The following CUBN variants were observed in gnomAD, a reference collection of about 807,000 sequenced individuals.
CUBN encodes 460 kDa receptor.
In CUBN, 282 loss-of-function variants were observed where a neutral mutation model predicts 405.3. The observed-to-expected ratio is 0.70, with a 90% CI of 0.63 to 0.77. The LOEUF (loss-of-function observed/expected upper bound fraction) is 0.77, where lower values mean the gene tolerates loss of function less well. Ranked by LOEUF, CUBN falls within the 30% of genes least tolerant of loss-of-function variation. The pLI, the probability that CUBN is intolerant of heterozygous loss-of-function variation, is 0.00. For missense variants in CUBN, 4,514 were observed against 4,475.2 expected (o/e 1.01, Z -0.25); for synonymous variants, 1,684 against 1,617.0 (o/e 1.04, Z -0.99).
intron 50 of CUBN, among the ~76,000 whole-genome samples, chr10:16,904,703 C>T (rs906050931): frequency 1.3e-5 from 2 of 152,098 alleles, no homozygotes; most frequent in Admixed American, 1.3e-4. Flanking sequence ...GTCAGATAAA[C>T]ATCACTGGTC....
chr10:16,959,514 G>A (rs1254100972), intron 31 of CUBN, among the ~76,000 whole-genome samples: 1 of 151,924 alleles, frequency 6.6e-6, no homozygotes, highest in Non-Finnish European at 1.5e-5. Flanking sequence ...TGTAATCCCA[G>A]CTACTCAGGA....
At chr10:16,920,580 G>A (rs969829962) in intron 43 of CUBN, among the ~76,000 whole-genome samples, 1 of 152,060 alleles carries the variant, frequency 6.6e-6, no homozygotes, top group Admixed American at 6.6e-5. Flanking sequence ...TGCACAACTC[G>A]GGGAGCATTC....
At chr10:16,837,687 G>A (rs879707090) in intron 62 of CUBN, among the ~76,000 whole-genome samples, 1 of 151,970 alleles carries the variant, frequency 6.6e-6, no homozygotes, top group Non-Finnish European at 1.5e-5. Context: ...ATTCCTTCAT[G>A]ATCTGCCAAT....
intron 22 of CUBN, among the ~76,000 whole-genome samples, chr10:17,051,273 A>T (rs899670362): frequency 2.2e-4 from 34 of 152,146 alleles, no homozygotes; most frequent in Admixed American, 3.9e-4. Context: ...AGGCAGGAGG[A>T]TCGCTTGAAC....
At chr10:17,000,886 A>C (rs1351492848) in intron 28 of CUBN, among the ~76,000 whole-genome samples, 2 of 152,210 alleles carry the variant, frequency 1.3e-5, no homozygotes, top group African/African-American at 4.8e-5. Flanking sequence ...TGTGTTCGGA[A>C]TTGGTTTCTT....
intron 60 of CUBN, among the ~76,000 whole-genome samples, chr10:16,843,374 C>A (rs1839415087): frequency 6.6e-6 from 1 of 152,142 alleles, no homozygotes; most frequent in African/African-American, 2.4e-5. Flanking sequence ...ATGACCATGA[C>A]CACTGACATT....
chr10:16,827,572 C>T (rs933084047), intron 66 of CUBN, among the ~76,000 whole-genome samples: 1 of 152,160 alleles, frequency 6.6e-6, no homozygotes, highest in Non-Finnish European at 1.5e-5. Context: ...GAAACAGATA[C>T]CCGCTTGCCA....
intron 45 of CUBN, among the ~76,000 whole-genome samples, chr10:16,917,161 G>GA (rs1207472122): frequency 2.0e-5 from 3 of 150,974 alleles, no homozygotes; most frequent in Non-Finnish European, 4.4e-5. Flanking sequence ...GAGACTCAGA[G>GA]AAAAAAAAGG....
At chr10:17,030,897 C>T (rs759975716) in intron 27 of CUBN, among the ~76,000 whole-genome samples, 10 of 151,738 alleles carry the variant, frequency 6.6e-5, no homozygotes, top group South Asian at 2.1e-4. Context: ...CCAGCCCGGG[C>T]GACAGAGTAA....
rs115540623 is a variant in CUBN at position 17,074,243 on chromosome 10, G to A, written c.2302-2272C>T. ...TGACTGCGGTTTTTGGGGAAGCGCA[G>A]GATACTTCATTGTTACCTAACCAAT... On this transcript the variant is annotated intron_variant, in intron 17 of 66. Transcript: ENST00000377833. Among the ~76,000 whole-genome samples the A allele has an allele frequency of 6.6e-3, 1,009 of 152,244 alleles. 13 individuals are homozygous for A. The highest frequency in any genetic ancestry group is 0.023 in the African/African-American group (969 of 41,530).
At chr10:17,111,242 G>A (rs1836765622) in intron 8 of CUBN, among the ~76,000 whole-genome samples, 192 bp from the exon 9 acceptor site, 1 of 152,118 alleles carries the variant, frequency 6.6e-6, no homozygotes, top group Admixed American at 6.5e-5. Context: ...GGGCAAATGG[G>A]CTCCTCTTAT....
rs1459051392 is a variant in CUBN at position 16,939,140 on chromosome 10, G to A, written c.5556C>T (p.Gly1852=). The change falls in exon 38 of 67, where the codon GGC becomes GGT. Residue 1852 remains glycine (G), a synonymous_variant. Transcript: ENST00000377833. ...CATGAGTTCCCACAATATTATCATT[G>A]CCAAATACTAGGAGGGAAGACAGAG... is the stretch of plus-strand genomic sequence containing the variant. The part of the protein sequence containing the change: ...GFQATFMKIF[G]NDNIVGTHGK... The A allele has an allele frequency of 1.2e-5, 20 of 1,613,008 alleles. No homozygotes were observed. Among genetic ancestry groups the A allele is most frequent in the Non-Finnish European group, 1.7e-5 (20 of 1,179,158 alleles).
intron 59 of CUBN, among the ~76,000 whole-genome samples, chr10:16,859,262 T>C (rs1438714558): frequency 2.0e-5 from 3 of 151,802 alleles, no homozygotes; most frequent in African/African-American, 7.3e-5. Context: ...GATAAAAAGC[T>C]CTCAAAACCC....
chr10:17,099,898 T>C, intron 14 of CUBN, 107 bp downstream of exon 14: 1 of 592,586 alleles, frequency 1.7e-6, no homozygotes, highest in Non-Finnish European at 3.0e-6. Context: ...AAATATTATA[T>C]ATCTTCAGAT....
chr10:16,990,857 T>C (rs1402549448), intron 28 of CUBN, among the ~76,000 whole-genome samples: 3 of 152,178 alleles, frequency 2.0e-5, no homozygotes, highest in Non-Finnish European at 2.9e-5. Flanking sequence ...TTACATAACA[T>C]AGTCGGAAGT....
Position 16,869,637 on chromosome 10 carries a change from C to T in CUBN, c.9453G>A (p.Leu3151=), listed in dbSNP as rs1840291303. ...GATTTACAAGTCCAGAATTCTTACC[C>T]AATGTCTGCCGGAAAGACATCTTCC... is the stretch of plus-strand genomic sequence containing the variant. ...KGWKMSFRQT[L]GPQQGCGGYL... The change falls in exon 59 of 67, where the codon TTG becomes TTA. Residue 3151 remains leucine, a splice_region_variant and synonymous_variant. Transcript: ENST00000377833. 8 of 1,609,812 alleles carry T rather than the reference C, an allele frequency of 5.0e-6. No individual in the cohort carries two copies. The highest frequency in any genetic ancestry group is 6.8e-6 in the Non-Finnish European group (8 of 1,176,590).
Position 16,882,444 on chromosome 10 carries a change from T to G in CUBN, c.8906-5347A>C, listed in dbSNP as rs535867880. ...TCTATACCATGCAGTAAAATTTAAT[T>G]TTTTGTTCTATTTTTCCGGGATTTA... On this transcript the variant is annotated intron_variant, in intron 56 of 66. Coordinates refer to ENST00000377833, the MANE Select transcript of CUBN (RefSeq NM_001081.4). 2.6e-4 allele frequency among the ~76,000 whole-genome samples: 40 copies of G among 152,352 alleles called. 1 individual carries two copies. In the South Asian group the frequency reaches 7.0e-3, roughly 27 times the overall value.
At chr10:16,837,133 T>G (rs1030301362) in intron 62 of CUBN, among the ~76,000 whole-genome samples, 6 of 151,990 alleles carry the variant, frequency 3.9e-5, no homozygotes, top group Non-Finnish European at 7.4e-5. Flanking sequence ...CTCTTGGTCC[T>G]TGTCTAACTT....
chr10:16,865,687 G>A (rs1459791291), intron 59 of CUBN, among the ~76,000 whole-genome samples: 1 of 152,026 alleles, frequency 6.6e-6, no homozygotes, highest in African/African-American at 2.4e-5. Flanking sequence ...CCAATCACAG[G>A]GAGGATTGAA....
Sources: gnomAD v4.1 joint callset for allele counts (sites outside exome capture counted in the v4.1 genomes callset) on GRCh38, gnomAD v4.1.1 for gene constraint, MANE v1.5 for transcripts, NCBI Gene and HGNC (gene_info 2026-07-23, HGNC 2026-07-21) for gene names.